Variants in UGT8 observed in about 807,000 individuals in gnomAD.
UGT8 encodes UDP glycosyltransferase 8, also known as 2-hydroxyacylsphingosine 1-beta-galactosyltransferase.
Under a neutral mutation model 40.5 loss-of-function variants are expected in UGT8, and 12 were observed. The ratio of observed to expected loss-of-function variants is 0.30; its 90% CI spans 0.19 to 0.48. The LOEUF (loss-of-function observed/expected upper bound fraction) is 0.48. Ranked by LOEUF, UGT8 falls within the 20% of genes least tolerant of loss-of-function variation. UGT8 has a pLI of 0.99. For missense variants in UGT8, 513 were observed against 648.7 expected (o/e 0.79, Z 2.27); for synonymous variants, 224 against 240.4 (o/e 0.93, Z 0.63).
chr4:114,660,799 G>C (rs1346618368), intron 2 of UGT8, among the ~76,000 whole-genome samples: 2 of 151,168 alleles, frequency 1.3e-5, no homozygotes, highest in Non-Finnish European at 2.9e-5. Flanking sequence ...GCTGAGCCAG[G>C]AGAAAGGCGT....
intron 2 of UGT8, among the ~76,000 whole-genome samples, chr4:114,644,816 A>G (rs868327414): frequency 6.6e-6 from 1 of 152,104 alleles, no homozygotes; most frequent in Admixed American, 6.6e-5. Flanking sequence ...TTGTCAACAT[A>G]CATCTCTGCA....
chr4:114,655,468 T>G (rs948635449), intron 2 of UGT8, among the ~76,000 whole-genome samples: 4 of 152,102 alleles, frequency 2.6e-5, no homozygotes, highest in Admixed American at 6.6e-5. Flanking sequence ...TTGTTGATAG[T>G]AAACCATGTT....
At position 114,676,329 on chromosome 4, in the gene UGT8, T is replaced by G; in HGVS notation, c.*41T>G. 6.8e-7 allele frequency: 1 copy of G among 1,479,266 alleles called. No individual in the cohort carries two copies. The highest frequency in any genetic ancestry group is 1.4e-5 in the African/African-American group (1 of 71,048). 91.6% of individuals were successfully genotyped at this position (1,479,266 alleles called of 1,614,324 possible). A position where few individuals can be genotyped will look rare whatever the true frequency, so the allele number is the denominator to read the frequency against. ...GATAGAAATAAATTGGTTCACTCAT[T>G]GAATTTTTATTGCTATTATTTAGTC... is the stretch of plus-strand genomic sequence containing the variant. On this transcript the variant is annotated 3_prime_UTR_variant, in exon 6 of 6. Transcript: ENST00000310836.
At chr4:114,655,930 A>G (rs1734159997) in intron 2 of UGT8, among the ~76,000 whole-genome samples, 1 of 151,942 alleles carries the variant, frequency 6.6e-6, no homozygotes, top group South Asian at 2.1e-4. Context: ...CATTGTTTTG[A>G]TGTTGTTGAA....
intron 4 of UGT8, among the ~76,000 whole-genome samples, chr4:114,667,029 GTTTTGTTCAAAGAGAGGGGT>G (rs1472966799): frequency 6.6e-6 from 1 of 152,040 alleles, no homozygotes; most frequent in African/African-American, 2.4e-5. Flanking sequence ...TTGGTGGTAG[GTTTTGTTCAAAGAGAGGGGT>G]TTTTGCTAAA....
chr4:114,616,057 T>C (rs1731405143), intron 1 of UGT8, among the ~76,000 whole-genome samples: 2 of 152,124 alleles, frequency 1.3e-5, no homozygotes, highest in Non-Finnish European at 2.9e-5. Flanking sequence ...AGGGACCCAG[T>C]TGAGGAGGCA....
chr4:114,614,211 A>C (rs1223130630), intron 1 of UGT8, among the ~76,000 whole-genome samples: 1 of 152,126 alleles, frequency 6.6e-6, no homozygotes, highest in East Asian at 1.9e-4. Flanking sequence ...ACTAGCTTGG[A>C]ATGGTACAAC....
At position 114,667,131 on chromosome 4, in the gene UGT8, G is replaced by A. The variant is rs140237012; in HGVS notation, c.1043-954G>A. Among the ~76,000 whole-genome samples the A allele has an allele frequency of 5.4e-3, 824 of 152,248 alleles. 12 individuals carry two copies. The highest frequency in any genetic ancestry group is 0.019 in the African/African-American group (798 of 41,560). On this transcript the variant is annotated intron_variant, in intron 4 of 5. Coordinates refer to ENST00000310836, the MANE Select transcript of UGT8 (RefSeq NM_001128174.3). ...TAAGAGTCAGAAAAGCCACTTGTGGGTAAGGGCTAGAGACACTGACTAACC... is the reference window on the plus strand; with the variant it reads ...TAAGAGTCAGAAAAGCCACTTGTGGATAAGGGCTAGAGACACTGACTAACC...
Position 114,674,913 on chromosome 4 carries a change from G to A in UGT8, c.1263-1012G>A, listed in dbSNP as rs370456870. On this transcript the variant is annotated intron_variant, in intron 5 of 5. Transcript: ENST00000310836. ...AGCCATTTGTCAAAGATTGGCACAT[G>A]AATGTGCAGTCACATGTTTTTAGAT... 2.5e-3 allele frequency among the ~76,000 whole-genome samples: 382 copies of A among 152,302 alleles called. 17 individuals carry two copies. The South Asian group carries it at 0.075, about 30-fold the overall frequency.
In UGT8 at chr4:114,633,940, TA is replaced by T. The variant is rs201773108; in HGVS notation, c.822+10250del. On this transcript the variant is annotated intron_variant, in intron 2 of 5. Transcript: ENST00000310836. The stretch of plus-strand genomic sequence containing the variant: ...GCCTGGAGGACAGAGTGAGACTGTC[TA>T]AAAAAAAAAAAGGATCACTCTGGTT... 3.1e-3 allele frequency among the ~76,000 whole-genome samples: 429 copies of T among 138,994 alleles called. 1 individual carries two copies. The highest frequency in any genetic ancestry group is 6.4e-3 in the African/African-American group (241 of 37,880). The allele number at this position is 138,994 out of a possible 152,430, so 91.2% of individuals were successfully genotyped here. A position where few individuals can be genotyped will look rare whatever the true frequency, so the allele number is the denominator to read the frequency against.
intron 1 of UGT8, among the ~76,000 whole-genome samples, chr4:114,602,618 G>A (rs1730505851): frequency 6.6e-6 from 1 of 152,170 alleles, no homozygotes; most frequent in Non-Finnish European, 1.5e-5. Context: ...GCCCTGGGAG[G>A]GCTCTAGGTT....
intron 1 of UGT8, among the ~76,000 whole-genome samples, chr4:114,620,159 G>A (rs923182370): frequency 6.6e-6 from 1 of 152,038 alleles, no homozygotes; most frequent in South Asian, 2.1e-4. Flanking sequence ...GATCATTTTT[G>A]TTTTAAGTTA....
At chr4:114,668,587 T>C (rs74936070) in intron 5 of UGT8, among the ~76,000 whole-genome samples, 2,265 of 152,334 alleles carry the variant, frequency 0.015, 23 homozygotes, top group Non-Finnish European at 0.025. Context: ...TGTCAAATGT[T>C]ATGTGCTTTA....
Position 114,676,661 on chromosome 4 carries a change from G to T in UGT8, c.*373G>T, listed in dbSNP as rs1281412873. The T allele has an allele frequency of 1.2e-5, 2 of 168,328 alleles. No individual in the cohort carries two copies. The highest frequency in any genetic ancestry group is 2.5e-5 in the Non-Finnish European group (2 of 79,096). 10.4% of individuals were successfully genotyped at this position (168,328 alleles called of 1,614,324 possible). On this transcript the variant is annotated 3_prime_UTR_variant, in exon 6 of 6. Coordinates refer to ENST00000310836, the MANE Select transcript of UGT8 (RefSeq NM_001128174.3). ...TGTGTATGTGTGTGTGTGTGTGTGT[G>T]TGTTTGTGTGTGTGTGTGTGTGTCC...
Position 114,676,152 on chromosome 4 carries a change from A to G in UGT8, c.1490A>G (p.Lys497Arg). 6.2e-7 allele frequency: 1 copy of G among 1,614,154 alleles called. No homozygotes were observed. Among genetic ancestry groups the G allele is most frequent in the Non-Finnish European group, 8.5e-7 (1 of 1,180,020 alleles). Reference protein sequence around the residue: ...LLYFLLSWVTKFIYRKIKSLW... With the variant: ...LLYFLLSWVTRFIYRKIKSLW... ...TACTTTCTCTTGTCTTGGGTGACAA[A>G]ATTTATCTACAGAAAAATCAAAAGT... The change falls in exon 6 of 6, where the codon AAA (lysine) becomes AGA (arginine). Residue 497 changes from lysine to arginine, a missense_variant. This residue lies in a region of UGT8 where 175 missense variants were observed against 186.7 expected (regional missense o/e 0.94). Transcript: ENST00000310836.
intron 1 of UGT8, among the ~76,000 whole-genome samples, chr4:114,618,283 A>G (rs190896293): frequency 7.9e-5 from 12 of 152,316 alleles, no homozygotes; most frequent in Non-Finnish European, 4.4e-5. Flanking sequence ...CTGTAGTGTT[A>G]TAAAATAATA....
At position 114,622,893 on chromosome 4, in the gene UGT8, A is replaced by G. The variant is rs1731913116; in HGVS notation, c.13A>G (p.Thr5Ala). Residue 5 changes from threonine (T) to alanine (A), a missense_variant, in exon 2 of 6, where the codon ACT becomes GCT. Transcript: ENST00000310836. Reference protein sequence around the residue: MKSYTPYFILLWSAV... With the variant: MKSYAPYFILLWSAV... ...TGTTATTACAGCTATGAAGTCTTAC[A>G]CTCCATATTTCATTCTCCTGTGGAG... is the stretch of plus-strand genomic sequence containing the variant. 1.9e-6 allele frequency: 3 copies of G among 1,611,960 alleles called. No individual in the cohort carries two copies. Among genetic ancestry groups the G allele is most frequent in the Non-Finnish European group, 2.5e-6 (3 of 1,178,832 alleles).
At chr4:114,647,356 TTGTGTGTGTGTGTGTG>T (rs34575248) in intron 2 of UGT8, among the ~76,000 whole-genome samples, 1 of 143,200 alleles carries the variant, frequency 7.0e-6, no homozygotes, top group South Asian at 2.3e-4. Context: ...ATTAGCTCTT[TTGTGTGTGTGTGTGTG>T]TGTGTGTGTG....
chr4:114,660,317 A>C (rs1734435889), intron 2 of UGT8, among the ~76,000 whole-genome samples: 1 of 150,246 alleles, frequency 6.7e-6, no homozygotes, highest in African/African-American at 2.5e-5. Flanking sequence ...AAATATCGAC[A>C]GAGTCGATAT....
Sources: gnomAD v4.1 joint callset for allele counts (sites outside exome capture counted in the v4.1 genomes callset) on GRCh38, gnomAD v4.1.1 for gene constraint, gnomAD v4.1.1 regional missense constraint, MANE v1.5 for transcripts, NCBI Gene and HGNC (gene_info 2026-07-23, HGNC 2026-07-21) for gene names.